Variants in ATP8B4 observed in about 807,000 individuals in gnomAD.
The protein encoded by ATP8B4 is probable phospholipid-transporting ATPase IM.
ATP8B4 carries 133 observed loss-of-function variants against 145.6 expected under a neutral mutation model. That is an observed-to-expected ratio of 0.91 (90% CI 0.79 to 1.05). ATP8B4 has a LOEUF of 1.05. Ranked by LOEUF, ATP8B4 falls within the 50% of genes least tolerant of loss-of-function variation. The pLI is 0.00. For missense variants in ATP8B4, 1,458 were observed against 1,425.2 expected (o/e 1.02, Z -0.37); for synonymous variants, 507 against 492.9 (o/e 1.03, Z -0.38).
intron 3 of ATP8B4, among the ~76,000 whole-genome samples, chr15:50,064,651 A>T (rs150076931): frequency 1.0e-3 from 155 of 152,254 alleles, no homozygotes; most frequent in African/African-American, 3.7e-3. Context: ...TACTTGATGT[A>T]TTAGTCTATT....
intron 21 of ATP8B4, among the ~76,000 whole-genome samples, chr15:49,900,245 T>C (rs1193253750): frequency 6.6e-6 from 1 of 152,208 alleles, no homozygotes; most frequent in Non-Finnish European, 1.5e-5. Context: ...AGCTGGATAA[T>C]GCTCTAAGCA....
At position 50,105,697 on chromosome 15, in the gene ATP8B4, G is replaced by A. The variant is rs1002858228; in HGVS notation, c.28+1242C>T. 2.6e-5 allele frequency among the ~76,000 whole-genome samples: 4 copies of A among 152,060 alleles called. No homozygotes were observed. In the South Asian group the frequency reaches 6.2e-4, roughly 24 times the overall value. On this transcript the variant is annotated intron_variant, in intron 2 of 27. Coordinates refer to ENST00000284509, the MANE Select transcript of ATP8B4 (RefSeq NM_024837.4). ...TATTTCTAGGTGGCATGATTACAGCGACTTATGCTTTCTTATTTTTATTTC... is the reference window on the plus strand; with the variant it reads ...TATTTCTAGGTGGCATGATTACAGCAACTTATGCTTTCTTATTTTTATTTC...
rs76473283 is a variant in ATP8B4 at position 50,137,154 on chromosome 15, G to A, written c.-42-30146C>T. 5.5e-3 allele frequency among the ~76,000 whole-genome samples: 844 copies of A among 152,240 alleles called. 9 individuals are homozygous for A. Among genetic ancestry groups the A allele is most frequent in the Admixed American group, 0.02 (301 of 15,300 alleles). ...AGCAACATGCTAGCACTGATTTAACGTCAATCTTCCCAAAAATACTATCTC... is the reference window on the plus strand; with the variant it reads ...AGCAACATGCTAGCACTGATTTAACATCAATCTTCCCAAAAATACTATCTC... On this transcript the variant is annotated intron_variant, in intron 1 of 3. Transcript: ENST00000558829.
chr15:49,912,933 G>C (rs1346160150), intron 20 of ATP8B4, among the ~76,000 whole-genome samples: 1 of 152,008 alleles, frequency 6.6e-6, no homozygotes, highest in African/African-American at 2.4e-5. Flanking sequence ...TATGAAACCA[G>C]CCTAGGAAAC....
At chr15:50,051,480 G>A (rs1374443942) in intron 3 of ATP8B4, among the ~76,000 whole-genome samples, 1 of 152,168 alleles carries the variant, frequency 6.6e-6, no homozygotes, top group African/African-American at 2.4e-5. Flanking sequence ...AGAGTTTCCA[G>A]CTTAGTTGGT....
intron 1 of ATP8B4, among the ~76,000 whole-genome samples, chr15:50,113,531 G>A (rs970231500): frequency 4.6e-5 from 7 of 151,986 alleles, no homozygotes; most frequent in Non-Finnish European, 7.4e-5. Flanking sequence ...TGTACGTATG[G>A]GTGTGTGTAA....
chr15:50,014,620 T>C (rs1029868725), intron 6 of ATP8B4, among the ~76,000 whole-genome samples: 3 of 152,186 alleles, frequency 2.0e-5, no homozygotes, highest in Non-Finnish European at 2.9e-5. Flanking sequence ...CAACAAATTA[T>C]TTTTAGTATA....
chr15:49,884,800 G>T (rs113884725), intron 23 of ATP8B4, among the ~76,000 whole-genome samples: 3,279 of 152,112 alleles, frequency 0.022, 127 homozygotes, highest in African/African-American at 0.074. Flanking sequence ...AGGCAAGCGA[G>T]CCTGAGCTCC....
chr15:50,118,853 G>T (rs1290115191), intron 1 of ATP8B4, among the ~76,000 whole-genome samples: 1 of 152,102 alleles, frequency 6.6e-6, no homozygotes. Flanking sequence ...ACTATCATTG[G>T]TCATTTAATA....
chr15:50,115,391 A>G (rs1326495873), intron 1 of ATP8B4, among the ~76,000 whole-genome samples: 2 of 152,036 alleles, frequency 1.3e-5, no homozygotes, highest in African/African-American at 2.4e-5. Flanking sequence ...GGGCTATGGT[A>G]GAAGGAGGGA....
chr15:50,105,877 G>C (rs908828111), intron 2 of ATP8B4, among the ~76,000 whole-genome samples: 8 of 152,118 alleles, frequency 5.3e-5, no homozygotes, highest in Non-Finnish European at 1.2e-4. Context: ...GTTAAAGTCA[G>C]TTAATCTTAT....
Position 49,995,234 on chromosome 15 carries a change from G to A in ATP8B4, c.589+1443C>T, listed in dbSNP as rs548676963. ...TTCTACCTCCTCGTAGATCAATAGA[G>A]GTATAAAGGTAAATTCTGCCGGGAA... On this transcript the variant is annotated intron_variant, in intron 9 of 27. Transcript: ENST00000284509. Among the ~76,000 whole-genome samples the A allele has an allele frequency of 7.2e-5, 11 of 152,168 alleles. 1 individual carries two copies. The East Asian group carries it at 2.1e-3, about 29-fold the overall frequency.
intron 1 of ATP8B4, among the ~76,000 whole-genome samples, chr15:50,175,972 G>A (rs984299401): frequency 2.6e-5 from 4 of 151,774 alleles, no homozygotes; most frequent in Non-Finnish European, 5.9e-5. Flanking sequence ...TCAATGAGTG[G>A]TTAAAGATAC....
At chr15:50,029,187 C>A (rs1278052701) in intron 6 of ATP8B4, among the ~76,000 whole-genome samples, 1 of 142,682 alleles carries the variant, frequency 7.0e-6, no homozygotes, top group Non-Finnish European at 1.5e-5. Flanking sequence ...GAGCTGAGAT[C>A]ACGCCACACG....
intron 20 of ATP8B4, among the ~76,000 whole-genome samples, chr15:49,906,077 C>T (rs1368381889): frequency 1.2e-4 from 19 of 152,056 alleles, no homozygotes; most frequent in Admixed American, 7.9e-4. Flanking sequence ...TTTCCAATGT[C>T]GAAAAATACA....
At chr15:49,893,469 T>G (rs1163993192) in intron 23 of ATP8B4, among the ~76,000 whole-genome samples, 1 of 152,152 alleles carries the variant, frequency 6.6e-6, no homozygotes, top group Non-Finnish European at 1.5e-5. Context: ...CAATTCAGCC[T>G]TAAAAAGAGG....
chr15:49,951,833 G>GT (rs1209130060), intron 14 of ATP8B4, among the ~76,000 whole-genome samples: 2 of 152,162 alleles, frequency 1.3e-5, no homozygotes, highest in African/African-American at 4.8e-5. Flanking sequence ...GCTGGTACGG[G>GT]TTTTTCCTTT....
intron 3 of ATP8B4, among the ~76,000 whole-genome samples, chr15:50,049,048 G>A (rs925740989): frequency 3.3e-5 from 5 of 152,202 alleles, no homozygotes; most frequent in Non-Finnish European, 1.5e-5. Context: ...AGTCCAGCAT[G>A]ATAAAGCTCC....
At chr15:50,164,812 G>T (rs544912316) in intron 1 of ATP8B4, among the ~76,000 whole-genome samples, 4 of 152,288 alleles carry the variant, frequency 2.6e-5, no homozygotes, top group Admixed American at 2.6e-4. Flanking sequence ...GGCTATGGCT[G>T]GTCTTAACAC....
Sources: allele counts gnomAD v4.1 joint callset (sites outside exome capture counted in the v4.1 genomes callset), GRCh38; gene constraint gnomAD v4.1.1; transcripts MANE v1.5; gene names NCBI Gene and HGNC (gene_info 2026-07-23, HGNC 2026-07-21).